INSL6: variants seen among roughly 807,000 people sequenced by gnomAD.
INSL6 encodes insulin like 6.
INSL6 carries 16 observed loss-of-function variants against 9.4 expected under a neutral mutation model. That is an observed-to-expected ratio of 1.70 (90% CI 1.15 to 2.59). The LOEUF (loss-of-function observed/expected upper bound fraction) is 2.59. INSL6 is among the 30% of genes most tolerant of loss of function. The pLI, the probability that INSL6 is intolerant of heterozygous loss-of-function variation, is 0.00. For missense variants in INSL6, 391 were observed against 257.3 expected, an observed-to-expected ratio of 1.52 and a Z score of -3.56; for synonymous variants, 154 against 96.9, an observed-to-expected ratio of 1.59 and a Z score of -3.46.
At chr9:5,130,726 AT>A (rs1246526505) in intron 3 of INSL6, among the ~76,000 whole-genome samples, 29 of 145,372 alleles carry the variant, frequency 2.0e-4, no homozygotes, top group East Asian at 4.0e-4. Flanking sequence ...TTTATTTTTT[AT>A]TTTTTTTTTT....
chr9:5,042,698 G>C, the INSL6 span, among the ~76,000 whole-genome samples: 1 of 152,180 alleles, frequency 6.6e-6, no homozygotes, highest in Non-Finnish European at 1.5e-5. Context: ...GCCTGGAGGG[G>C]TGCTGTGGGG....
the INSL6 span, chr9:5,055,755 T>G: frequency 6.2e-7 from 1 of 1,611,098 alleles, no homozygotes; most frequent in Non-Finnish European, 8.5e-7. Flanking sequence ...AAAGCCGAGT[T>G]GTAACTATCC....
intron 3 of INSL6, chr9:5,127,276 ATTAC>A (rs1024664744): frequency 8.6e-6 from 2 of 232,404 alleles, no homozygotes; most frequent in Non-Finnish European, 1.7e-5. Context: ...TCTATAATTA[ATTAC>A]TTCACTATAC....
chr9:5,157,782 C>G (rs531861247), intron 2 of INSL6, among the ~76,000 whole-genome samples: 9 of 152,096 alleles, frequency 5.9e-5, no homozygotes, highest in Non-Finnish European at 1.3e-4. Context: ...CTTGAATGCT[C>G]AGATACTAAT....
the INSL6 span, among the ~76,000 whole-genome samples, chr9:5,036,063 C>T: frequency 6.6e-6 from 1 of 152,200 alleles, no homozygotes; most frequent in Non-Finnish European, 1.5e-5. Context: ...GTGCAAAAAT[C>T]ACAAGCGTTC....
chr9:5,140,010 C>CAA (rs1255094650), intron 2 of INSL6, among the ~76,000 whole-genome samples: 1 of 151,890 alleles, frequency 6.6e-6, no homozygotes, highest in African/African-American at 2.4e-5. Flanking sequence ...AGATGACTTG[C>CAA]AAATAACTGG....
At chr9:5,078,390 C>G in the INSL6 span, 1 of 1,613,126 alleles carries the variant, frequency 6.2e-7, no homozygotes, top group Non-Finnish European at 8.5e-7. Context: ...AGGAAATCCT[C>G]CTTTCATCAA....
chr9:5,076,173 T>C, the INSL6 span, among the ~76,000 whole-genome samples: 1 of 152,200 alleles, frequency 6.6e-6, no homozygotes, highest in African/African-American at 2.4e-5. Flanking sequence ...CTAGTGATGA[T>C]GCTGTGAACA....
chr9:5,132,590 C>A (rs939844293), intron 3 of INSL6, among the ~76,000 whole-genome samples: 2 of 151,746 alleles, frequency 1.3e-5, no homozygotes, highest in Non-Finnish European at 2.9e-5. Context: ...CATACCACTT[C>A]AGACTTTTCT....
chr9:5,155,686 G>A (rs10815169), intron 2 of INSL6, among the ~76,000 whole-genome samples: 58,045 of 150,236 alleles, frequency 0.39, 12,781 homozygotes, highest in African/African-American at 0.62. Context: ...ACCAAACACC[G>A]CATGTTCTCA....
the INSL6 span, among the ~76,000 whole-genome samples, chr9:5,033,806 T>A: frequency 4.6e-5 from 7 of 152,036 alleles, no homozygotes; most frequent in Admixed American, 3.3e-4. Context: ...GTAAAGACCA[T>A]CGAGGCTAGG....
chr9:5,159,134 T>TA (rs1824872274), downstream of INSL6, among the ~76,000 whole-genome samples: 1 of 151,918 alleles, frequency 6.6e-6, no homozygotes, highest in African/African-American at 2.4e-5. Flanking sequence ...TCTAAAAACA[T>TA]ACAACAGATA....
chr9:5,173,156 C>G (rs1331082875), intron 1 of INSL6, among the ~76,000 whole-genome samples: 1 of 152,034 alleles, frequency 6.6e-6, no homozygotes, highest in East Asian at 1.9e-4. Context: ...GGAACTAATT[C>G]CTACTGTTGG....
the INSL6 span, chr9:5,099,971 C>T: frequency 6.6e-6 from 1 of 152,174 alleles, no homozygotes. Context: ...CCACTTATCC[C>T]TATACTAGTA....
the INSL6 span, among the ~76,000 whole-genome samples, chr9:5,073,291 G>C: frequency 6.6e-6 from 1 of 152,182 alleles, no homozygotes; most frequent in South Asian, 2.1e-4. Flanking sequence ...CAGATGTCGT[G>C]ATATTTTATC....
At chr9:5,172,138 C>T (rs1253354332) in intron 1 of INSL6, among the ~76,000 whole-genome samples, 9 of 152,146 alleles carry the variant, frequency 5.9e-5, no homozygotes. Flanking sequence ...CAAAAACAGA[C>T]ACCTAAACCA....
chr9:5,107,385 A>G, the INSL6 span, among the ~76,000 whole-genome samples: 28 of 152,074 alleles, frequency 1.8e-4, 1 homozygote, highest in African/African-American at 6.0e-4. Context: ...TTTCCATAAA[A>G]TTCTTCCTAG....
At chr9:5,128,206 T>C in intron 3 of INSL6, 2 of 231,906 alleles carry the variant, frequency 8.6e-6, no homozygotes, top group Middle Eastern at 1.3e-3. Flanking sequence ...TGTTCTACTT[T>C]TTTGAAAGTT....
chr9:5,097,265 C>T, the INSL6 span: 15 of 152,306 alleles, frequency 9.8e-5, no homozygotes, highest in Admixed American at 2.0e-4. Context: ...CAGTCCTAGC[C>T]GCTGGCATTA....
Sources: gnomAD v4.1 joint callset for allele counts (sites outside exome capture counted in the v4.1 genomes callset) on GRCh38, gnomAD v4.1.1 for gene constraint, MANE v1.5 for transcripts, NCBI Gene and HGNC (gene_info 2026-07-23, HGNC 2026-07-21) for gene names.